CHD1L: variants seen among roughly 807,000 people sequenced by gnomAD.
CHD1L encodes chromodomain helicase DNA binding protein 1 like, also known as ATP-dependent chromatin remodeler CHD1L.
CHD1L carries 118 observed loss-of-function variants against 115.9 expected under a neutral mutation model. The observed-to-expected ratio is 1.02, with a 90% CI of 0.88 to 1.19. The LOEUF (loss-of-function observed/expected upper bound fraction) is 1.19. CHD1L is among the 50% of genes most tolerant of loss of function. The pLI, the probability that CHD1L is intolerant of heterozygous loss-of-function variation, is 0.00. For missense variants in CHD1L, 1,179 were observed against 1,065.3 expected (o/e 1.11, Z -1.49); for synonymous variants, 411 against 387.1 (o/e 1.06, Z -0.72).
At chr1:147,227,428 A>G in the CHD1L span, among the ~76,000 whole-genome samples, 1 of 152,326 alleles carries the variant, frequency 6.6e-6, no homozygotes, top group East Asian at 1.9e-4. Context: ...TAACAATGTA[A>G]TTTTATTTTA....
chr1:147,276,110 T>TA lies in CHD1L; in HGVS notation c.1395dup (p.Val466SerfsTer16), dbSNP rs1461398222. 2 of 1,613,998 alleles carry TA rather than the reference T, an allele frequency of 1.2e-6. No individual in the cohort carries two copies. Among genetic ancestry groups the TA allele is most frequent in the Non-Finnish European group, 1.7e-6 (2 of 1,180,000 alleles). On this transcript the variant is annotated frameshift_variant, in exon 14 of 23. Coordinates refer to ENST00000369258, the MANE Select transcript of CHD1L (RefSeq NM_004284.6). LOFTEE classifies it high-confidence loss of function. ...TTGTTTGACTTATGTCCAGGTCTGT[T>TA]AAAGTTATTCGGCTGATTGGTCGAG...
chr1:147,265,912 T>TA lies in CHD1L; in HGVS notation c.740-19dup, dbSNP rs1553947814. Reference sequence around the variant, plus strand: ...TTCTACTTTTGTCCCACACTTCTTGTATTTTTTTTTCTTATGTAGCAAGTG... The same window carrying TA: ...TTCTACTTTTGTCCCACACTTCTTGTAATTTTTTTTTCTTATGTAGCAAGTG... On this transcript the variant is annotated intron_variant, in intron 7 of 22. Transcript: ENST00000369258. 1 of 1,594,630 alleles carries TA rather than the reference T, an allele frequency of 6.3e-7. No homozygotes were observed. The highest frequency in any genetic ancestry group is 1.4e-5 in the African/African-American group (1 of 73,690).
chr1:147,176,349 G>A, the CHD1L span: 1 of 152,158 alleles, frequency 6.6e-6, no homozygotes, highest in Admixed American at 6.5e-5. Flanking sequence ...AGATTCCAAA[G>A]GATTTGCATG....
At chr1:147,286,058 A>G (rs1478340163) in intron 17 of CHD1L, among the ~76,000 whole-genome samples, 3 of 152,260 alleles carry the variant, frequency 2.0e-5, no homozygotes, top group East Asian at 1.9e-4. Flanking sequence ...TACTTCAACA[A>G]TCTCTTTTAG....
At chr1:147,241,155 T>G (rs1456740395), upstream of CHD1L, among the ~76,000 whole-genome samples, 1 of 152,068 alleles carries the variant, frequency 6.6e-6, no homozygotes, top group African/African-American at 2.4e-5. Context: ...TACCATAGAG[T>G]GCTTGGCACA....
rs782811744 is a variant in CHD1L at position 147,268,791 on chromosome 1, C to T, written c.998C>T (p.Pro333Leu). The T allele has an allele frequency of 4.7e-5, 76 of 1,612,962 alleles. No homozygotes were observed. In the South Asian group the frequency reaches 5.9e-4, roughly 13 times the overall value. The part of the protein sequence containing the change: ...DHPYLFDGVE[P>L]EPFEVGDHLT... ...GTTCTTTCTTTTCTAGGTGTGGAGC[C>T]GGAGCCTTTTGAAGTTGGAGACCAC... The change falls in exon 10 of 23, where the codon CCG becomes CTG. Residue 333 changes from proline (P) to leucine (L), a missense_variant. Transcript: ENST00000369258.
At chr1:147,259,980 T>C in intron 6 of CHD1L, 62 bp downstream of exon 6, 1 of 1,263,122 alleles carries the variant, frequency 7.9e-7, no homozygotes, top group Non-Finnish European at 1.1e-6. Flanking sequence ...TACATTATAT[T>C]TTAGAGTAAT....
chr1:147,267,340 GTT>G, intron 8 of CHD1L, 84 bp from the exon 9 acceptor site: 1 of 899,872 alleles, frequency 1.1e-6, no homozygotes. Context: ...AATGATTAAG[GTT>G]ACTTGTAAAA....
At chr1:147,262,729 G>A (rs1410702962) in intron 6 of CHD1L, among the ~76,000 whole-genome samples, 3 of 8,426 alleles carry the variant, frequency 3.6e-4, no homozygotes, top group African/African-American at 6.2e-4. Context: ...AAAGGGAGAT[G>A]GCAAAAAAAA....
Position 147,266,056 on chromosome 1 carries a change from A to ATG in CHD1L, c.865_866insGT (p.Tyr289CysfsTer7). On this transcript the variant is annotated frameshift_variant, in exon 8 of 23. Coordinates refer to ENST00000369258, the MANE Select transcript of CHD1L (RefSeq NM_004284.6). LOFTEE classifies it high-confidence loss of function. ...ATGGCATGTCAGCATTGCAGAAGAA[A>ATG]TACTACAAGGCCATTTTGATGAAAG... is the stretch of plus-strand genomic sequence containing the variant. 6.2e-7 allele frequency: 1 copy of ATG among 1,613,516 alleles called. No individual in the cohort carries two copies. The highest frequency in any genetic ancestry group is 8.5e-7 in the Non-Finnish European group (1 of 1,179,692).
chr1:147,276,573 A>T (rs1678566074), intron 14 of CHD1L, among the ~76,000 whole-genome samples: 1 of 152,214 alleles, frequency 6.6e-6, no homozygotes, highest in Admixed American at 6.5e-5. Flanking sequence ...TAAAATAAAG[A>T]ACTCAATAAC....
At chr1:147,211,367 A>AT in the CHD1L span, 1 of 152,190 alleles carries the variant, frequency 6.6e-6, no homozygotes, top group Non-Finnish European at 1.5e-5. Flanking sequence ...TATTTTAATT[A>AT]TTTTTAATCC....
chr1:147,198,902 G>A, the CHD1L span, among the ~76,000 whole-genome samples: 1 of 148,060 alleles, frequency 6.8e-6, no homozygotes, highest in Non-Finnish European at 1.5e-5. Context: ...TGAAATTGGA[G>A]GTTGTATCCA....
At chr1:147,197,875 C>A in the CHD1L span, among the ~76,000 whole-genome samples, 1 of 152,116 alleles carries the variant, frequency 6.6e-6, no homozygotes, top group Non-Finnish European at 1.5e-5. Flanking sequence ...AGGCCTGGTA[C>A]ATACTAAAAG....
chr1:147,256,024 C>A, intron 4 of CHD1L, 97 bp downstream of exon 4: 3 of 737,330 alleles, frequency 4.1e-6, no homozygotes, highest in African/African-American at 1.8e-5. Flanking sequence ...TGAGAGCACA[C>A]ACTTTTCTGG....
rs781920992 is a variant in CHD1L, at chr1:147,255,915, G to A, written c.450G>A (p.Leu150=). ...LKQESRFHVL[L]TTYEICLKDA... ...AGGAGTCACGTTTTCATGTGCTACTGACTACCTATGAGGTATTCATTCGTT... is the reference window on the plus strand; with the variant it reads ...AGGAGTCACGTTTTCATGTGCTACTAACTACCTATGAGGTATTCATTCGTT... The change falls in exon 4 of 23, where the codon CTG becomes CTA. Residue 150 remains leucine (L), a synonymous_variant. Transcript: ENST00000369258. 2.5e-6 allele frequency: 4 copies of A among 1,611,720 alleles called. No homozygotes were observed. The highest frequency in any genetic ancestry group is 3.4e-6 in the Non-Finnish European group (4 of 1,178,368).
chr1:147,232,611 G>A, the CHD1L span, among the ~76,000 whole-genome samples: 1 of 149,852 alleles, frequency 6.7e-6, no homozygotes, highest in African/African-American at 2.4e-5. Context: ...TGATTCTCCT[G>A]CCTCAGCCTG....
At chr1:147,177,707 A>C in the CHD1L span, among the ~76,000 whole-genome samples, 2 of 152,190 alleles carry the variant, frequency 1.3e-5, no homozygotes, top group Non-Finnish European at 1.5e-5. Context: ...TAAGTACAAA[A>C]TAACCAGTAC....
At chr1:147,275,165 A>C (rs992139831) in intron 12 of CHD1L, among the ~76,000 whole-genome samples, 189 bp from the exon 13 acceptor site, 1 of 152,196 alleles carries the variant, frequency 6.6e-6, no homozygotes, top group South Asian at 2.1e-4. Flanking sequence ...TCAGGCAATA[A>C]GAGGTCAGGT....
Sources: allele counts gnomAD v4.1 joint callset (sites outside exome capture counted in the v4.1 genomes callset), GRCh38; gene constraint gnomAD v4.1.1; transcripts MANE v1.5; gene names NCBI Gene and HGNC (gene_info 2026-07-23, HGNC 2026-07-21).